KIAA1671: variants seen among roughly 807,000 people sequenced by gnomAD.
KIAA1671 encodes uncharacterized protein KIAA1671.
In KIAA1671, 52 loss-of-function variants were observed where a neutral mutation model predicts 131.2. That is an observed-to-expected ratio of 0.40 (90% CI 0.32 to 0.50). The LOEUF (loss-of-function observed/expected upper bound fraction) is 0.50, where lower values mean the gene tolerates loss of function less well. Ranked by LOEUF, KIAA1671 falls within the 20% of genes least tolerant of loss-of-function variation. The pLI is 0.73. For missense variants in KIAA1671, 2,360 were observed against 2,364.2 expected (o/e 1.00, Z 0.04); for synonymous variants, 1,003 against 961.6 (o/e 1.04, Z -0.80).
At chr22:25,033,894 A>C (rs1359424914) in intron 4 of KIAA1671, among the ~76,000 whole-genome samples, 1 of 151,530 alleles carries the variant, frequency 6.6e-6, no homozygotes, top group African/African-American at 2.4e-5. Flanking sequence ...TTTTTTAAAA[A>C]CAGCTTTGAG....
rs188002708 is a variant in KIAA1671 at position 25,065,957 on chromosome 22, G to T, written c.4530+16593G>T. 3.6e-3 allele frequency among the ~76,000 whole-genome samples: 541 copies of T among 152,202 alleles called. 2 individuals carry two copies. The highest frequency in any genetic ancestry group is 0.013 in the African/African-American group (519 of 41,516). ...CCTGATCGAGACTGGGTACTTTAAAGAAACAGAGATGTATTTCTCACAGTT... is the reference window on the plus strand; with the variant it reads ...CCTGATCGAGACTGGGTACTTTAAATAAACAGAGATGTATTTCTCACAGTT... On this transcript the variant is annotated intron_variant, in intron 6 of 12. Transcript: ENST00000358431.
chr22:25,032,736 G>C, intron 4 of KIAA1671, 40 bp downstream of exon 4: 1 of 1,300,212 alleles, frequency 7.7e-7, no homozygotes. Flanking sequence ...ATTAACCAGC[G>C]GGCAGTTATG....
At position 25,151,953 on chromosome 22, in the gene KIAA1671, G is replaced by A. The variant is rs557074453; in HGVS notation, c.4531-18867G>A. Among the ~76,000 whole-genome samples, 5 of 152,156 alleles carry A rather than the reference G, an allele frequency of 3.3e-5. No individual in the cohort carries two copies. The South Asian group carries it at 6.2e-4, about 19-fold the overall frequency. On this transcript the variant is annotated intron_variant, in intron 6 of 12. Coordinates refer to ENST00000358431, the MANE Select transcript of KIAA1671 (RefSeq NM_001145206.2). ...TGGGTTTTGTTATGTTGGCCAGGCC[G>A]CTCCTGAACTCCTGGCCTTAAGTGA...
At chr22:25,107,310 G>A (rs1420784560) in intron 6 of KIAA1671, among the ~76,000 whole-genome samples, 4 of 151,886 alleles carry the variant, frequency 2.6e-5, no homozygotes, top group African/African-American at 7.3e-5. Flanking sequence ...CCAGCTATTC[G>A]GGAGACTGAG....
At chr22:25,049,079 G>A in intron 5 of KIAA1671, 151 bp from the exon 6 acceptor site, 1 of 966,328 alleles carries the variant, frequency 1.0e-6, no homozygotes, top group Non-Finnish European at 1.5e-6. Flanking sequence ...CGCCCTACAT[G>A]TTACCTCTGA....
rs1281458804 is a variant in KIAA1671, at chr22:25,044,852, G to A, written c.4395+3327G>A. Among the ~76,000 whole-genome samples the A allele has an allele frequency of 1.1e-4, 16 of 152,200 alleles. No individual in the cohort carries two copies. The South Asian group carries it at 3.1e-3, about 30-fold the overall frequency. The stretch of plus-strand genomic sequence containing the variant: ...ATGCTTTTCATATTGCAACAGTAGC[G>A]AATGCTTGCGTAAAATGTGAAATAC... On this transcript the variant is annotated intron_variant, in intron 5 of 12. Coordinates refer to ENST00000358431, the MANE Select transcript of KIAA1671 (RefSeq NM_001145206.2).
chr22:25,078,368 AT>A (rs1029667053), intron 6 of KIAA1671, among the ~76,000 whole-genome samples: 1 of 151,902 alleles, frequency 6.6e-6, no homozygotes, highest in Admixed American at 6.6e-5. Context: ...CTACAAAAGA[AT>A]TTTTTTTTGA....
intron 1 of KIAA1671, among the ~76,000 whole-genome samples, chr22:25,008,466 G>A (rs116371841): frequency 7.5e-4 from 114 of 152,112 alleles, no homozygotes; most frequent in African/African-American, 2.7e-3. Flanking sequence ...CATGCATGTA[G>A]AGCCTTTGGC....
intron 11 of KIAA1671, among the ~76,000 whole-genome samples, chr22:25,187,554 T>C (rs1267690698): frequency 6.6e-6 from 1 of 152,144 alleles, no homozygotes; most frequent in Non-Finnish European, 1.5e-5. Flanking sequence ...TCTCACTCTG[T>C]CACCCAGGCT....
chr22:25,095,362 C>A (rs1349972548), intron 6 of KIAA1671, among the ~76,000 whole-genome samples: 1 of 152,192 alleles, frequency 6.6e-6, no homozygotes, highest in Non-Finnish European at 1.5e-5. Flanking sequence ...TCTAAAAGAA[C>A]ATCAAGAGGC....
At chr22:25,093,759 TCTCTCTCTGTCTC>T (rs1568951127) in intron 6 of KIAA1671, among the ~76,000 whole-genome samples, 3 of 117,482 alleles carry the variant, frequency 2.6e-5, no homozygotes, top group African/African-American at 3.4e-5. Flanking sequence ...TCTCTCTCTC[TCTCTCTCTGTCTC>T]TCTCTCTCTC....
intron 6 of KIAA1671, among the ~76,000 whole-genome samples, chr22:25,138,249 C>A (rs566553524): frequency 6.6e-6 from 1 of 152,142 alleles, no homozygotes; most frequent in South Asian, 2.1e-4. Flanking sequence ...TGGGAACAGC[C>A]GGCTGCATGG....
At chr22:25,141,001 C>T (rs934398381) in intron 6 of KIAA1671, among the ~76,000 whole-genome samples, 14 of 152,102 alleles carry the variant, frequency 9.2e-5, no homozygotes, top group Non-Finnish European at 1.6e-4. Context: ...AAGGCCCTCA[C>T]GTCTCAGAAC....
chr22:25,064,506 C>G (rs1463384809), intron 6 of KIAA1671: 1 of 152,220 alleles, frequency 6.6e-6, no homozygotes. Flanking sequence ...AGAGATTAAC[C>G]AGCTAGCAAG....
intron 1 of KIAA1671, among the ~76,000 whole-genome samples, chr22:24,963,566 C>A (rs986035877): frequency 5.3e-5 from 8 of 151,912 alleles, no homozygotes; most frequent in Non-Finnish European, 8.8e-5. Flanking sequence ...TTCAGATGGG[C>A]CACTGTGTCA....
At chr22:24,976,031 G>A (rs1922894141) in intron 1 of KIAA1671, among the ~76,000 whole-genome samples, 1 of 152,218 alleles carries the variant, frequency 6.6e-6, no homozygotes, top group Non-Finnish European at 1.5e-5. Flanking sequence ...CATTGGGGTG[G>A]GACTGGGAAC....
At chr22:24,979,394 G>A (rs1923107883) in intron 1 of KIAA1671, among the ~76,000 whole-genome samples, 1 of 148,082 alleles carries the variant, frequency 6.8e-6, no homozygotes. Flanking sequence ...GTTTTGCCCA[G>A]GCCGGACTGC....
At chr22:24,969,404 A>G (rs1188078564) in intron 1 of KIAA1671, among the ~76,000 whole-genome samples, 1 of 152,114 alleles carries the variant, frequency 6.6e-6, no homozygotes, top group Non-Finnish European at 1.5e-5. Flanking sequence ...ATCCAATGTA[A>G]GTGTTAGGTA....
intron 1 of KIAA1671, among the ~76,000 whole-genome samples, chr22:24,963,988 T>C (rs2123802163): frequency 6.7e-6 from 1 of 150,298 alleles, no homozygotes; most frequent in Middle Eastern, 3.5e-3. Flanking sequence ...CTGCCACTCA[T>C]CTTTATGCAG....
Sources: allele counts gnomAD v4.1 joint callset (sites outside exome capture counted in the v4.1 genomes callset), GRCh38; gene constraint gnomAD v4.1.1; transcripts MANE v1.5; gene names NCBI Gene and HGNC (gene_info 2026-07-23, HGNC 2026-07-21).